Variants in RNGTT observed in about 807,000 individuals in gnomAD.
The protein encoded by RNGTT is RNA guanylyltransferase and 5'-phosphatase, also known as mRNA-capping enzyme.
In RNGTT, 33 loss-of-function variants were observed where a neutral mutation model predicts 79.3. That is an observed-to-expected ratio of 0.42 (90% CI 0.32 to 0.56). RNGTT has a LOEUF of 0.56. RNGTT is among the 20% of genes least tolerant of loss of function. The pLI is 0.17. For synonymous variants in RNGTT, 222 were observed against 235.9 expected (o/e 0.94, Z 0.54); for missense variants, 497 against 739.1 (o/e 0.67, Z 3.80).
chr6:88,709,525 G>A (rs1438330685), intron 13 of RNGTT, among the ~76,000 whole-genome samples: 1 of 152,106 alleles, frequency 6.6e-6, no homozygotes, highest in African/African-American at 2.4e-5. Flanking sequence ...GTTTAATAGT[G>A]CTATCTAGAA....
chr6:88,811,772 TGG>T (rs954041737), intron 11 of RNGTT, among the ~76,000 whole-genome samples: 2 of 152,222 alleles, frequency 1.3e-5, no homozygotes, highest in Non-Finnish European at 2.9e-5. Flanking sequence ...CTTTCAGTTC[TGG>T]TCTATTCTAC....
At chr6:88,866,918 C>T (rs930340928) in intron 8 of RNGTT, among the ~76,000 whole-genome samples, 36 of 152,062 alleles carry the variant, frequency 2.4e-4, no homozygotes, top group African/African-American at 8.7e-4. Context: ...TTGTAAAAAC[C>T]ACTTGGTCTC....
chr6:88,837,719 G>T (rs9342168), intron 11 of RNGTT, among the ~76,000 whole-genome samples: 1 of 151,900 alleles, frequency 6.6e-6, no homozygotes, highest in Admixed American at 6.6e-5. Flanking sequence ...AAAAAAAATA[G>T]TATTCGATCT....
chr6:88,712,083 T>A (rs1312944453), intron 13 of RNGTT, among the ~76,000 whole-genome samples: 1 of 152,110 alleles, frequency 6.6e-6, no homozygotes, highest in Non-Finnish European at 1.5e-5. Flanking sequence ...GGACCAGATA[T>A]CAGAAAGGGG....
chr6:88,733,925 A>C (rs1777199065), intron 13 of RNGTT, among the ~76,000 whole-genome samples: 1 of 152,162 alleles, frequency 6.6e-6, no homozygotes, highest in South Asian at 2.1e-4. Context: ...TTACCAGAAG[A>C]CCTGTCCTGA....
At chr6:88,925,312 A>G (rs1325205178) in intron 4 of RNGTT, among the ~76,000 whole-genome samples, 1 of 152,118 alleles carries the variant, frequency 6.6e-6, no homozygotes, top group Admixed American at 6.6e-5. Flanking sequence ...CTAGCTTATT[A>G]ATAAATAAGG....
intron 14 of RNGTT, among the ~76,000 whole-genome samples, chr6:88,630,354 T>C (rs1011231792): frequency 1.3e-5 from 2 of 152,246 alleles, no homozygotes; most frequent in Non-Finnish European, 2.9e-5. Flanking sequence ...TCAGATGTTA[T>C]CACTATCATT....
intron 6 of RNGTT, among the ~76,000 whole-genome samples, chr6:88,900,475 T>C (rs1783411105): frequency 6.6e-6 from 1 of 152,128 alleles, no homozygotes; most frequent in East Asian, 1.9e-4. Flanking sequence ...GGCTGATGCC[T>C]GTAATCCCAG....
At position 88,665,232 on chromosome 6, in the gene RNGTT, T is replaced by G. The variant is rs558579067; in HGVS notation, c.1506+13121A>C. Among the ~76,000 whole-genome samples the G allele has an allele frequency of 4.6e-5, 7 of 152,134 alleles. No homozygotes were observed. In the South Asian group the frequency reaches 8.3e-4, roughly 18 times the overall value. ...TCTGGCCCAGTGGTGGCCAAAAGTA[T>G]GCGCAGAAGACAACCCTCCTGGATT... On this transcript the variant is annotated intron_variant, in intron 14 of 15. Transcript: ENST00000369485.
At chr6:88,814,643 A>G (rs1448499422) in intron 11 of RNGTT, among the ~76,000 whole-genome samples, 2 of 152,190 alleles carry the variant, frequency 1.3e-5, no homozygotes, top group Non-Finnish European at 2.9e-5. Flanking sequence ...AGCATGACCT[A>G]TCAGTTTAGA....
chr6:88,858,185 T>G (rs1781898866), intron 8 of RNGTT, among the ~76,000 whole-genome samples: 1 of 152,174 alleles, frequency 6.6e-6, no homozygotes, highest in African/African-American at 2.4e-5. Flanking sequence ...TATCCATTTT[T>G]CCTAGCCCCT....
At chr6:88,672,825 C>T (rs1774708031) in intron 14 of RNGTT, among the ~76,000 whole-genome samples, 1 of 152,162 alleles carries the variant, frequency 6.6e-6, no homozygotes, top group African/African-American at 2.4e-5. Context: ...ATATTTATAT[C>T]TTTATGTAGG....
chr6:88,849,144 G>A (rs1387300650), intron 10 of RNGTT, among the ~76,000 whole-genome samples: 1 of 151,930 alleles, frequency 6.6e-6, no homozygotes, highest in Non-Finnish European at 1.5e-5. Context: ...TCTGTGATGA[G>A]ATTAAGCCAG....
chr6:88,837,105 C>A (rs1426864953), intron 11 of RNGTT, among the ~76,000 whole-genome samples: 11 of 152,134 alleles, frequency 7.2e-5, no homozygotes, highest in Non-Finnish European at 1.6e-4. Flanking sequence ...TTTATTAAAA[C>A]TGCTCTGGCC....
intron 13 of RNGTT, among the ~76,000 whole-genome samples, chr6:88,762,977 G>A (rs887107733): frequency 6.6e-6 from 1 of 151,874 alleles, no homozygotes; most frequent in Non-Finnish European, 1.5e-5. Context: ...AGGCTGGAGT[G>A]CAGTGGCCCC....
intron 13 of RNGTT, among the ~76,000 whole-genome samples, chr6:88,709,810 A>G (rs550547660): frequency 2.8e-4 from 42 of 152,348 alleles, no homozygotes; most frequent in African/African-American, 9.9e-4. Flanking sequence ...ATTGGAAAGT[A>G]CAAACAGAAT....
At chr6:88,675,295 A>G (rs1281960886) in intron 14 of RNGTT, among the ~76,000 whole-genome samples, 1 of 152,182 alleles carries the variant, frequency 6.6e-6, no homozygotes, top group East Asian at 1.9e-4. Flanking sequence ...ATTTTTGATA[A>G]AAGATTAAAT....
In RNGTT at chr6:88,771,751, T is replaced by C. The variant is rs75565055; in HGVS notation, c.1339-1877A>G. On this transcript the variant is annotated intron_variant, in intron 12 of 15. Transcript: ENST00000369485. ...TTCTGTAGTATTCAGTATAGAGATC[T>C]TGCATGGCTTTTGTTAAATGTATTC... 1.6e-3 allele frequency among the ~76,000 whole-genome samples: 242 copies of C among 152,302 alleles called. 7 individuals carry two copies. In the East Asian group the frequency reaches 0.042, roughly 27 times the overall value.
rs1342673398 is a variant in RNGTT at position 88,883,183 on chromosome 6, A to AG, written c.896+7311_896+7312insC. ...GACTCTTTATGACAAAAAAAAAAAAAAAAAAAAAAAAATCGAAGTGCATTT... is the reference window on the plus strand; with the variant it reads ...GACTCTTTATGACAAAAAAAAAAAAAGAAAAAAAAAAAATCGAAGTGCATTT... On this transcript the variant is annotated intron_variant, in intron 8 of 15. Coordinates refer to ENST00000369485, the MANE Select transcript of RNGTT (RefSeq NM_003800.5). 2.6e-5 allele frequency among the ~76,000 whole-genome samples: 4 copies of AG among 151,506 alleles called. No individual in the cohort carries two copies. The East Asian group carries it at 7.7e-4, about 29-fold the overall frequency.
Sources: allele counts gnomAD v4.1 joint callset (sites outside exome capture counted in the v4.1 genomes callset), GRCh38; gene constraint gnomAD v4.1.1; transcripts MANE v1.5; gene names NCBI Gene and HGNC (gene_info 2026-07-23, HGNC 2026-07-21).